NPAS3: variants seen among roughly 807,000 people sequenced by gnomAD.
NPAS3 encodes neuronal PAS domain protein 3, also known as neuronal PAS domain-containing protein 3.
Under a neutral mutation model 73.1 loss-of-function variants are expected in NPAS3, and 14 were observed. The observed-to-expected ratio is 0.19, with a 90% CI of 0.13 to 0.30. The LOEUF (loss-of-function observed/expected upper bound fraction) is 0.30, where lower values mean the gene tolerates loss of function less well. NPAS3 is among the 10% of genes least tolerant of loss of function. The pLI, the probability that NPAS3 is intolerant of heterozygous loss-of-function variation, is 1.00. For missense variants in NPAS3, 1,096 were observed against 1,250.0 expected (o/e 0.88, Z 1.86); for synonymous variants, 620 against 541.5 (o/e 1.14, Z -2.01).
At chr14:33,015,836 A>C (rs1471004397) in intron 1 of NPAS3, among the ~76,000 whole-genome samples, 3 of 152,196 alleles carry the variant, frequency 2.0e-5, no homozygotes, top group Admixed American at 1.3e-4. Flanking sequence ...TAAATGTTTC[A>C]ACAGTAAACA....
chr14:33,611,714 T>C (rs2057754743), intron 5 of NPAS3, among the ~76,000 whole-genome samples: 1 of 152,164 alleles, frequency 6.6e-6, no homozygotes, highest in African/African-American at 2.4e-5. Flanking sequence ...AGAAGGCTAA[T>C]TTTTTGCCTG....
intron 2 of NPAS3, among the ~76,000 whole-genome samples, chr14:33,066,700 A>G (rs993570424): frequency 3.9e-5 from 6 of 152,198 alleles, no homozygotes; most frequent in African/African-American, 1.4e-4. Context: ...GAATGACTAT[A>G]GCCACATTTA....
In NPAS3 at chr14:33,557,360, C is replaced by G. The variant is rs1041002022; in HGVS notation, c.469-2761C>G. Among the ~76,000 whole-genome samples the G allele has an allele frequency of 2.6e-5, 4 of 152,302 alleles. No homozygotes were observed. In the East Asian group the frequency reaches 7.7e-4, roughly 29 times the overall value. ...CCTGTGGAAGTAACTTAAGTAATCT[C>G]TTGCCATCCTACTTCCCCTCTGTCT... On this transcript the variant is annotated intron_variant, in intron 4 of 11. Transcript: ENST00000356141.
chr14:33,034,339 T>C (rs1304876300), intron 1 of NPAS3, among the ~76,000 whole-genome samples: 2 of 151,848 alleles, frequency 1.3e-5, no homozygotes, highest in African/African-American at 2.4e-5. Flanking sequence ...TGAGTCTTCA[T>C]GCTCATTCTA....
At chr14:33,162,848 G>A (rs974274553) in intron 2 of NPAS3, among the ~76,000 whole-genome samples, 5 of 152,192 alleles carry the variant, frequency 3.3e-5, no homozygotes, top group East Asian at 1.9e-4. Context: ...AGACATCATC[G>A]GATGTTGGTT....
chr14:33,552,615 G>A lies in NPAS3; in HGVS notation c.469-7506G>A, dbSNP rs543999535. Among the ~76,000 whole-genome samples, 4 of 151,276 alleles carry A rather than the reference G, an allele frequency of 2.6e-5. No homozygotes were observed. The South Asian group carries it at 8.5e-4, about 32-fold the overall frequency. On this transcript the variant is annotated intron_variant, in intron 4 of 11. Coordinates refer to ENST00000356141, the Ensembl canonical transcript of NPAS3. Reference sequence around the variant, plus strand: ...GAAGACCACTTCCTACTTTCCAGTAGTCTATATTCGACAGGATGTAAGGTA... The same window carrying A: ...GAAGACCACTTCCTACTTTCCAGTAATCTATATTCGACAGGATGTAAGGTA...
rs3057257 is a variant in NPAS3 at position 32,946,348 on chromosome 14, G to GCACACACACACACACA, written c.50+7005_50+7020dup. Among the ~76,000 whole-genome samples, 226 of 139,384 alleles carry GCACACACACACACACA rather than the reference G, an allele frequency of 1.6e-3. 1 individual carries two copies. The highest frequency in any genetic ancestry group is 2.0e-3 in the Admixed American group (27 of 13,782). 91.4% of individuals were successfully genotyped at this position (139,384 alleles called of 152,430 possible). On this transcript the variant is annotated intron_variant, in intron 1 of 11. Transcript: ENST00000356141. ...CCATCCCCCCAACACACACACACGCGCACACACACACACACACACACACAC... is the reference window on the plus strand; with the variant it reads ...CCATCCCCCCAACACACACACACGCGCACACACACACACACACACACACACACACACACACACACAC...
At chr14:33,329,992 T>C (rs1246156669) in intron 3 of NPAS3, among the ~76,000 whole-genome samples, 2 of 152,204 alleles carry the variant, frequency 1.3e-5, no homozygotes, top group Non-Finnish European at 2.9e-5. Flanking sequence ...AAAAACACAC[T>C]GCCTGGACTT....
At chr14:33,242,023 A>G (rs2048227794) in intron 3 of NPAS3, among the ~76,000 whole-genome samples, 2 of 152,128 alleles carry the variant, frequency 1.3e-5, no homozygotes, top group South Asian at 4.1e-4. Flanking sequence ...AGCAATTCTG[A>G]TAACAGGCCA....
chr14:33,546,606 C>T (rs1006419467), intron 4 of NPAS3, among the ~76,000 whole-genome samples: 1 of 152,086 alleles, frequency 6.6e-6, no homozygotes, highest in Non-Finnish European at 1.5e-5. Context: ...GGATTTTTAT[C>T]CTGCTCAATA....
chr14:33,199,477 A>G (rs1456050149), intron 2 of NPAS3, among the ~76,000 whole-genome samples: 1 of 152,176 alleles, frequency 6.6e-6, no homozygotes, highest in Non-Finnish European at 1.5e-5. Context: ...GATTATAAAG[A>G]GAGGCTAGAC....
intron 5 of NPAS3, among the ~76,000 whole-genome samples, chr14:33,665,103 A>G (rs139376881): frequency 0.034 from 5,155 of 152,332 alleles, 271 homozygotes; most frequent in African/African-American, 0.12. Flanking sequence ...ACTTGGAACC[A>G]TCCCAGATGC....
At chr14:33,768,129 A>G (rs549942690) in intron 7 of NPAS3, among the ~76,000 whole-genome samples, 2 of 152,212 alleles carry the variant, frequency 1.3e-5, no homozygotes, top group Admixed American at 1.3e-4. Flanking sequence ...CATTTTTATC[A>G]AAGATGATGG....
chr14:32,965,718 A>T (rs1362674595), intron 1 of NPAS3, among the ~76,000 whole-genome samples: 1 of 152,222 alleles, frequency 6.6e-6, no homozygotes, highest in Non-Finnish European at 1.5e-5. Context: ...GAGCAATTAG[A>T]GAAGAGAAAG....
intron 5 of NPAS3, among the ~76,000 whole-genome samples, chr14:33,590,365 T>G (rs1595224282): frequency 6.6e-6 from 1 of 152,172 alleles, no homozygotes. Flanking sequence ...TAATACTTAC[T>G]GCTAGATATT....
At chr14:33,003,975 T>A (rs1221107267) in intron 1 of NPAS3, among the ~76,000 whole-genome samples, 1 of 152,160 alleles carries the variant, frequency 6.6e-6, no homozygotes, top group African/African-American at 2.4e-5. Flanking sequence ...TACACTGATT[T>A]GAATCCTGGT....
chr14:32,955,229 G>A (rs548687068), intron 1 of NPAS3, among the ~76,000 whole-genome samples: 3 of 152,096 alleles, frequency 2.0e-5, no homozygotes, highest in African/African-American at 7.2e-5. Context: ...CTAGCTCAAG[G>A]TCTATCTCAA....
intron 5 of NPAS3, among the ~76,000 whole-genome samples, chr14:33,630,273 G>T (rs1006110182): frequency 1.1e-4 from 17 of 152,206 alleles, no homozygotes; most frequent in African/African-American, 3.9e-4. Flanking sequence ...TTGTGGAAAA[G>T]CTCTGTCTCC....
chr14:33,311,963 T>C (rs937075204), intron 3 of NPAS3, among the ~76,000 whole-genome samples: 3 of 152,112 alleles, frequency 2.0e-5, no homozygotes, highest in Non-Finnish European at 2.9e-5. Context: ...TTGAATAGTT[T>C]GGTTGGACTA....
Sources: allele counts gnomAD v4.1 joint callset (sites outside exome capture counted in the v4.1 genomes callset), GRCh38; gene constraint gnomAD v4.1.1; transcripts MANE v1.5; gene names NCBI Gene and HGNC (gene_info 2026-07-23, HGNC 2026-07-21).